KIAA1217: variants seen among roughly 807,000 people sequenced by gnomAD.
The protein encoded by KIAA1217 is KIAA1217, also known as sickle tail protein homolog.
In KIAA1217, 88 loss-of-function variants were observed where a neutral mutation model predicts 163.9. The ratio of observed to expected loss-of-function variants is 0.54; its 90% CI spans 0.45 to 0.64. The LOEUF (loss-of-function observed/expected upper bound fraction) is 0.64, where lower values mean the gene tolerates loss of function less well. Ranked by LOEUF, KIAA1217 falls within the 30% of genes least tolerant of loss-of-function variation. The pLI is 0.00. For missense variants in KIAA1217, 2,372 were observed against 2,475.0 expected, an observed-to-expected ratio of 0.96 and a Z score of 0.88; for synonymous variants, 903 against 923.1, an observed-to-expected ratio of 0.98 and a Z score of 0.39.
At chr10:23,916,046 G>A (rs1842622389) in intron 1 of KIAA1217, among the ~76,000 whole-genome samples, 1 of 152,176 alleles carries the variant, frequency 6.6e-6, no homozygotes, top group South Asian at 2.1e-4. Flanking sequence ...TTGGCTGCCA[G>A]TTATCAATAT....
chr10:24,023,784 A>T (rs1847833211), intron 2 of KIAA1217, among the ~76,000 whole-genome samples: 1 of 151,846 alleles, frequency 6.6e-6, no homozygotes, highest in Admixed American at 6.6e-5. Context: ...CCACATAGCA[A>T]TGAAAAAACA....
chr10:24,350,038 A>T (rs1330290278), intron 2 of KIAA1217, among the ~76,000 whole-genome samples: 1 of 152,160 alleles, frequency 6.6e-6, no homozygotes, highest in Non-Finnish European at 1.5e-5. Context: ...AGCAGGCATG[A>T]TGCATGGTTA....
chr10:23,763,864 A>C (rs1274389438), intron 1 of KIAA1217, among the ~76,000 whole-genome samples: 1 of 152,204 alleles, frequency 6.6e-6, no homozygotes, highest in African/African-American at 2.4e-5. Context: ...TTCCAAAAAA[A>C]CCCACTAAAA....
At chr10:23,748,606 G>A (rs1839556451) in intron 1 of KIAA1217, among the ~76,000 whole-genome samples, 1 of 150,596 alleles carries the variant, frequency 6.6e-6, no homozygotes, top group East Asian at 2.0e-4. Flanking sequence ...TGGAAGGGAG[G>A]GAGGATGGGA....
intron 1 of KIAA1217, among the ~76,000 whole-genome samples, chr10:23,716,589 C>T (rs1042899883): frequency 9.2e-5 from 14 of 152,176 alleles, no homozygotes; most frequent in African/African-American, 3.1e-4. Flanking sequence ...CAACCAACTT[C>T]TCCCTCTGGA....
rs190461142 is a variant in KIAA1217, at chr10:24,005,147, G to A, written c.-320-2078G>A. Among the ~76,000 whole-genome samples, 26 of 152,308 alleles carry A rather than the reference G, an allele frequency of 1.7e-4. No homozygotes were observed. In the East Asian group the frequency reaches 3.5e-3, roughly 20 times the overall value. ...CTTCTGCCACTTACAGCGTGATTTT[G>A]GACAATGTAACTAACCTTTAAAAGT... On this transcript the variant is annotated intron_variant, in intron 1 of 18. Coordinates refer to the KIAA1217 transcript ENST00000376462.
intron 14 of KIAA1217, 143 bp downstream of exon 14, chr10:24,528,262 A>G (rs1006655555): frequency 1.6e-6 from 1 of 644,614 alleles, no homozygotes; most frequent in African/African-American, 1.8e-5. Flanking sequence ...CTGGAAGAGC[A>G]AATCCTCTGG....
At chr10:24,138,678 A>G (rs1471137523) in intron 2 of KIAA1217, among the ~76,000 whole-genome samples, 1 of 150,630 alleles carries the variant, frequency 6.6e-6, no homozygotes, top group Non-Finnish European at 1.5e-5. Context: ...ATGAACATTT[A>G]TATATCACCA....
At chr10:24,336,748 G>T (rs985499764) in intron 2 of KIAA1217, among the ~76,000 whole-genome samples, 1 of 152,156 alleles carries the variant, frequency 6.6e-6, no homozygotes, top group Non-Finnish European at 1.5e-5. Context: ...TTAGAATATG[G>T]TTTTTTAAAA....
At chr10:24,373,387 T>C (rs1019016480) in intron 2 of KIAA1217, among the ~76,000 whole-genome samples, 1 of 152,126 alleles carries the variant, frequency 6.6e-6, no homozygotes, top group African/African-American at 2.4e-5. Flanking sequence ...TCCAGACGTC[T>C]TTTCCAGATA....
At chr10:23,863,567 G>A (rs11813520) in intron 1 of KIAA1217, among the ~76,000 whole-genome samples, 2,352 of 152,212 alleles carry the variant, frequency 0.015, 65 homozygotes, top group African/African-American at 0.051. Context: ...GCGCAAGAAG[G>A]TCCTCACCAG....
At chr10:24,140,632 G>C (rs2064024831) in intron 2 of KIAA1217, among the ~76,000 whole-genome samples, 1 of 152,160 alleles carries the variant, frequency 6.6e-6, no homozygotes, top group African/African-American at 2.4e-5. Flanking sequence ...ACACCACTCA[G>C]AATGGCATGC....
At chr10:23,792,959 C>T (rs1836024037) in intron 1 of KIAA1217, among the ~76,000 whole-genome samples, 1 of 149,700 alleles carries the variant, frequency 6.7e-6, no homozygotes, top group Admixed American at 6.7e-5. Context: ...AGTCTTCATT[C>T]GCCATTTTTC....
chr10:23,950,488 G>C (rs545681862), intron 1 of KIAA1217, among the ~76,000 whole-genome samples: 2 of 111,134 alleles, frequency 1.8e-5, no homozygotes. Flanking sequence ...ACAGGGATAC[G>C]GGAGGGGAAA....
intron 1 of KIAA1217, among the ~76,000 whole-genome samples, chr10:23,938,669 TA>T (rs35194310): frequency 0.21 from 30,188 of 146,004 alleles, 3,219 homozygotes; most frequent in Middle Eastern, 0.28. Context: ...TGATTTAGAG[TA>T]AAAAAAAAAA....
At chr10:23,707,082 T>A (rs1285319143) in intron 1 of KIAA1217, among the ~76,000 whole-genome samples, 1 of 152,202 alleles carries the variant, frequency 6.6e-6, no homozygotes, top group East Asian at 1.9e-4. Context: ...AAAGTTTAAA[T>A]AGACCTGACT....
chr10:23,764,569 A>G (rs1000941494), intron 1 of KIAA1217, among the ~76,000 whole-genome samples: 1 of 152,228 alleles, frequency 6.6e-6, no homozygotes, highest in Non-Finnish European at 1.5e-5. Flanking sequence ...GATAGACTGG[A>G]TAAAGAAAAT....
intron 2 of KIAA1217, among the ~76,000 whole-genome samples, chr10:24,276,658 G>A (rs985677387): frequency 2.0e-5 from 3 of 148,404 alleles, no homozygotes; most frequent in Non-Finnish European, 4.4e-5. Context: ...CACCGAGGCC[G>A]TAGTGCAGTG....
At chr10:24,062,124 T>C (rs2060746255) in intron 2 of KIAA1217, among the ~76,000 whole-genome samples, 3 of 152,012 alleles carry the variant, frequency 2.0e-5, no homozygotes, top group Admixed American at 6.6e-5. Context: ...TTTTTTAGTT[T>C]AGTTAATGTA....
Sources: allele counts gnomAD v4.1 joint callset (sites outside exome capture counted in the v4.1 genomes callset), GRCh38; gene constraint gnomAD v4.1.1; transcripts MANE v1.5; gene names NCBI Gene and HGNC (gene_info 2026-07-23, HGNC 2026-07-21).